EYS: variants seen among roughly 807,000 people sequenced by gnomAD.
The protein encoded by EYS is protein eyes shut homolog.
EYS carries 250 observed loss-of-function variants against 282.1 expected under a neutral mutation model. The observed-to-expected ratio is 0.89, with a 90% CI of 0.80 to 0.98. EYS has a LOEUF of 0.98. EYS is among the 50% of genes least tolerant of loss of function. The probability of loss-of-function intolerance (pLI) is 0.00; values close to 1 mark genes in which losing one functional copy is unlikely to be tolerated. For missense variants in EYS, 4,016 were observed against 3,709.0 expected, an observed-to-expected ratio of 1.08 and a Z score of -2.15; for synonymous variants, 1,355 against 1,282.9, an observed-to-expected ratio of 1.06 and a Z score of -1.20.
At chr6:65,514,939 T>C (rs1022498230) in intron 2 of EYS, among the ~76,000 whole-genome samples, 2 of 151,988 alleles carry the variant, frequency 1.3e-5, no homozygotes, top group African/African-American at 4.8e-5. Context: ...AATTGACAAA[T>C]GGGATCTAAT....
At chr6:64,192,325 T>A (rs1362232067) in intron 31 of EYS, among the ~76,000 whole-genome samples, 1 of 152,158 alleles carries the variant, frequency 6.6e-6, no homozygotes, top group Non-Finnish European at 1.5e-5. Context: ...AAGAAGCTCT[T>A]TAGTTTAATT....
chr6:64,464,719 G>A (rs1037977387), intron 26 of EYS, among the ~76,000 whole-genome samples: 2 of 151,906 alleles, frequency 1.3e-5, no homozygotes, highest in African/African-American at 2.4e-5. Context: ...GTTATAAAGA[G>A]AACAGATTAT....
chr6:65,381,365 A>G (rs966764586), intron 8 of EYS, among the ~76,000 whole-genome samples: 15 of 152,170 alleles, frequency 9.9e-5, no homozygotes, highest in African/African-American at 3.4e-4. Flanking sequence ...GCAACATAGG[A>G]ACAGAAAAGC....
chr6:63,768,711 C>T (rs1428864760), intron 40 of EYS, among the ~76,000 whole-genome samples: 1 of 152,086 alleles, frequency 6.6e-6, no homozygotes, highest in Non-Finnish European at 1.5e-5. Flanking sequence ...CCCAGCAATA[C>T]CATTACTGGC....
At chr6:65,185,206 C>T (rs1765488933) in intron 12 of EYS, among the ~76,000 whole-genome samples, 1 of 151,698 alleles carries the variant, frequency 6.6e-6, no homozygotes, top group South Asian at 2.1e-4. Flanking sequence ...TTTTGATATA[C>T]TTATTACATA....
intron 22 of EYS, among the ~76,000 whole-genome samples, chr6:64,641,128 C>T (rs1305440085): frequency 6.6e-6 from 1 of 152,114 alleles, no homozygotes; most frequent in Non-Finnish European, 1.5e-5. Flanking sequence ...GGGCAATTTA[C>T]AAAAGAAACA....
At chr6:65,594,671 G>C (rs994523212) in intron 2 of EYS, among the ~76,000 whole-genome samples, 4 of 152,096 alleles carry the variant, frequency 2.6e-5, no homozygotes, top group Non-Finnish European at 5.9e-5. Flanking sequence ...GGTTTAATTA[G>C]ATTCCCTTTG....
intron 5 of EYS, among the ~76,000 whole-genome samples, chr6:65,456,763 T>C (rs1348164235): frequency 6.6e-6 from 1 of 152,048 alleles, no homozygotes; most frequent in East Asian, 1.9e-4. Context: ...TGTAACTTTA[T>C]GCCTAATTTC....
At chr6:64,975,431 G>C (rs547090652) in intron 14 of EYS, among the ~76,000 whole-genome samples, 1 of 151,824 alleles carries the variant, frequency 6.6e-6, no homozygotes, top group African/African-American at 2.4e-5. Context: ...CAGTATATGT[G>C]AGATGCAGAC....
intron 26 of EYS, among the ~76,000 whole-genome samples, chr6:64,516,887 A>G (rs1251374494): frequency 6.6e-6 from 1 of 151,830 alleles, no homozygotes; most frequent in African/African-American, 2.4e-5. Context: ...ATAGGGTTAA[A>G]TATCAAAACT....
chr6:64,540,184 G>A (rs1353727723), intron 26 of EYS, among the ~76,000 whole-genome samples: 1 of 152,176 alleles, frequency 6.6e-6, no homozygotes, highest in East Asian at 1.9e-4. Flanking sequence ...ATCCTGTGGG[G>A]AGAATTTCTA....
At chr6:63,990,809 G>GAA (rs1173378297) in intron 34 of EYS, among the ~76,000 whole-genome samples, 6 of 151,500 alleles carry the variant, frequency 4.0e-5, no homozygotes, top group Non-Finnish European at 8.9e-5. Context: ...GGGGACTGCT[G>GAA]AGAAAAAAAG....
intron 14 of EYS, among the ~76,000 whole-genome samples, chr6:64,955,539 T>C (rs748798276): frequency 2.0e-5 from 3 of 152,132 alleles, no homozygotes; most frequent in Non-Finnish European, 1.5e-5. Flanking sequence ...AACTTCCTCT[T>C]ATACCAGGAT....
At chr6:64,917,515 G>A (rs1192975009) in intron 15 of EYS, among the ~76,000 whole-genome samples, 1 of 152,076 alleles carries the variant, frequency 6.6e-6, no homozygotes, top group East Asian at 1.9e-4. Context: ...TCTCTTAGAA[G>A]CAAACAGTAA....
rs148486765 is a variant in EYS at position 65,401,452 on chromosome 6, T to C, written c.1184+1026A>G. ...GTACATTCACTAATCTACTAGCACATTGAGGCATAGAAATAGAATTGTAAA... is the reference window on the plus strand; with the variant it reads ...GTACATTCACTAATCTACTAGCACACTGAGGCATAGAAATAGAATTGTAAA... On this transcript the variant is annotated intron_variant, in intron 7 of 42. Transcript: ENST00000503581. Among the ~76,000 whole-genome samples, 616 of 151,548 alleles carry C rather than the reference T, an allele frequency of 4.1e-3. 4 individuals are homozygous for C. Among genetic ancestry groups the C allele is most frequent in the African/African-American group, 0.014 (582 of 41,454 alleles).
intron 12 of EYS, among the ~76,000 whole-genome samples, chr6:65,179,734 C>T (rs373353734): frequency 1.3e-5 from 2 of 152,016 alleles, no homozygotes; most frequent in Admixed American, 6.6e-5. Context: ...GATACCAAAG[C>T]CTGGCAGAGA....
chr6:64,021,610 T>A (rs1241323556), intron 33 of EYS, among the ~76,000 whole-genome samples: 2 of 152,214 alleles, frequency 1.3e-5, no homozygotes, highest in African/African-American at 4.8e-5. Context: ...GACATGGTTT[T>A]TCTACAATGG....
intron 11 of EYS, chr6:65,331,746 CACT>C: frequency 1.0e-6 from 1 of 980,230 alleles, no homozygotes; most frequent in Non-Finnish European, 1.2e-6. Flanking sequence ...ATTTGTTGAG[CACT>C]ATTCTATGTG....
chr6:64,150,294 A>G (rs1157758244), intron 31 of EYS, among the ~76,000 whole-genome samples: 1 of 152,218 alleles, frequency 6.6e-6, no homozygotes, highest in Non-Finnish European at 1.5e-5. Context: ...TCTGTTTAGA[A>G]GTTTTAGAGA....
Sources: gnomAD v4.1 joint callset for allele counts (sites outside exome capture counted in the v4.1 genomes callset) on GRCh38, gnomAD v4.1.1 for gene constraint, MANE v1.5 for transcripts, NCBI Gene and HGNC (gene_info 2026-07-23, HGNC 2026-07-21) for gene names.